Variants in TEX36 observed in about 807,000 individuals in gnomAD.
The protein encoded by TEX36 is testis-expressed protein 36.
In TEX36, 12 loss-of-function variants were observed where a neutral mutation model predicts 13.6. That is an observed-to-expected ratio of 0.88 (90% CI 0.56 to 1.43). The LOEUF is 1.43. Among genes scored for constraint, TEX36 ranks in the 40% most tolerant of loss-of-function variants. The pLI is 0.00. For missense variants in TEX36, 224 were observed against 228.3 expected (o/e 0.98, Z 0.12); for synonymous variants, 93 against 83.0 (o/e 1.12, Z -0.65).
chr10:125,600,420 C>T (rs549067494), intron 3 of TEX36, among the ~76,000 whole-genome samples: 50 of 152,158 alleles, frequency 3.3e-4, no homozygotes, highest in Admixed American at 8.5e-4. Flanking sequence ...GGTCTCCAAC[C>T]TTTACCACCA....
intron 3 of TEX36, among the ~76,000 whole-genome samples, chr10:125,640,742 TG>T (rs1846678122): frequency 6.6e-6 from 1 of 152,126 alleles, no homozygotes; most frequent in Non-Finnish European, 1.5e-5. Flanking sequence ...AAGGCAGAGC[TG>T]GGCTGAAGGG....
At chr10:125,613,868 A>G (rs1846324109) in intron 3 of TEX36, among the ~76,000 whole-genome samples, 1 of 152,304 alleles carries the variant, frequency 6.6e-6, no homozygotes, top group East Asian at 1.9e-4. Context: ...TGACTTCCAC[A>G]CTGGTTGAAC....
At chr10:125,584,058 C>T (rs1825459288) in intron 3 of TEX36, among the ~76,000 whole-genome samples, 1 of 152,212 alleles carries the variant, frequency 6.6e-6, no homozygotes, top group African/African-American at 2.4e-5. Context: ...CTGTCCTCTT[C>T]GAGCTGCTGC....
chr10:125,585,192 C>T (rs747304504), intron 3 of TEX36, among the ~76,000 whole-genome samples: 22 of 152,160 alleles, frequency 1.4e-4, no homozygotes, highest in Non-Finnish European at 1.2e-4. Context: ...GGTCAGTCAT[C>T]CCCTGGCTTA....
intron 3 of TEX36, among the ~76,000 whole-genome samples, chr10:125,599,140 T>C (rs1263802296): frequency 2.0e-5 from 3 of 152,208 alleles, no homozygotes; most frequent in Non-Finnish European, 4.4e-5. Context: ...TTATAAAATA[T>C]AACCACATTA....
intron 2 of TEX36, 109 bp downstream of exon 2, chr10:125,661,737 A>C: frequency 4.3e-6 from 6 of 1,397,920 alleles, no homozygotes; most frequent in Non-Finnish European, 5.8e-6. Context: ...CAAGGATAGT[A>C]AATGCGCAGT....
intron 3 of TEX36, among the ~76,000 whole-genome samples, chr10:125,658,220 C>T (rs1846977926): frequency 6.6e-6 from 1 of 151,126 alleles, no homozygotes; most frequent in African/African-American, 2.4e-5. Context: ...AAGGAATGGC[C>T]CATAACATAA....
rs9422907 is a variant in TEX36, at chr10:125,644,179, G to T, written c.264+16842C>A. Among the ~76,000 whole-genome samples the T allele has an allele frequency of 1.2e-3, 176 of 152,150 alleles. 2 individuals are homozygous for T. Among genetic ancestry groups the T allele is most frequent in the African/African-American group, 4.2e-3 (175 of 41,474 alleles). On this transcript the variant is annotated intron_variant, in intron 3 of 3. Coordinates refer to the TEX36 transcript ENST00000526819. ...TTTGGTTACAAGAAAACCTCTACAG[G>T]TTGGCTAAATAACAGAATGGATCAT...
intron 3 of TEX36, among the ~76,000 whole-genome samples, chr10:125,597,683 T>C (rs377096472): frequency 6.6e-6 from 1 of 152,146 alleles, no homozygotes; most frequent in African/African-American, 2.4e-5. Flanking sequence ...AAAGGAGCCT[T>C]CACCTGTGGC....
At chr10:125,624,525 T>C (rs908278318) in intron 3 of TEX36, among the ~76,000 whole-genome samples, 4 of 152,054 alleles carry the variant, frequency 2.6e-5, no homozygotes, top group Admixed American at 2.6e-4. Flanking sequence ...TCATGACTGG[T>C]GGGGCTGGTC....
chr10:125,634,421 T>C (rs1442842618), intron 3 of TEX36, among the ~76,000 whole-genome samples: 1 of 152,160 alleles, frequency 6.6e-6, no homozygotes, highest in African/African-American at 2.4e-5. Flanking sequence ...TTGATCCGAG[T>C]ACTGATGGGG....
chr10:125,593,497 C>T (rs1846047416), intron 3 of TEX36, among the ~76,000 whole-genome samples: 1 of 152,196 alleles, frequency 6.6e-6, no homozygotes, highest in Admixed American at 6.5e-5. Flanking sequence ...GTCTTCGGTG[C>T]TTGCCTTAAA....
chr10:125,657,467 A>C (rs893678378), intron 3 of TEX36, among the ~76,000 whole-genome samples: 6 of 152,160 alleles, frequency 3.9e-5, no homozygotes, highest in African/African-American at 1.4e-4. Flanking sequence ...GCTTCTAAAG[A>C]ATGACTTGAG....
chr10:125,650,740 T>C (rs1193027764), downstream of TEX36, among the ~76,000 whole-genome samples: 1 of 151,866 alleles, frequency 6.6e-6, no homozygotes, highest in Non-Finnish European at 1.5e-5. Context: ...TCAACAAAAT[T>C]GATAGACCAC....
chr10:125,669,445 A>T (rs763166488), intron 1 of TEX36, among the ~76,000 whole-genome samples: 31 of 151,896 alleles, frequency 2.0e-4, no homozygotes, highest in Non-Finnish European at 4.3e-4. Context: ...ATGCCATTGC[A>T]CTCCAGCCTG....
At chr10:125,673,453 G>A (rs112018605) in intron 1 of TEX36, among the ~76,000 whole-genome samples, 1 of 152,170 alleles carries the variant, frequency 6.6e-6, no homozygotes, top group Admixed American at 6.5e-5. Flanking sequence ...GCTTATGCCT[G>A]TAATCCCAGC....
At chr10:125,637,420 CT>C (rs1846635497) in intron 3 of TEX36, among the ~76,000 whole-genome samples, 1 of 152,046 alleles carries the variant, frequency 6.6e-6, no homozygotes, top group African/African-American at 2.4e-5. Context: ...AGTTTCCTTC[CT>C]TTTTAAGACT....
At chr10:125,621,714 G>T in intron 3 of TEX36, 1 of 454,216 alleles carries the variant, frequency 2.2e-6, no homozygotes. Context: ...GAAGCCAACA[G>T]TGTAGCCTTC....
At chr10:125,674,073 G>A (rs1847275993) in intron 1 of TEX36, among the ~76,000 whole-genome samples, 1 of 152,012 alleles carries the variant, frequency 6.6e-6, no homozygotes, top group Admixed American at 6.6e-5. Context: ...CATAGGTTTG[G>A]TCTTATTACA....
Sources: gnomAD v4.1 joint callset for allele counts (sites outside exome capture counted in the v4.1 genomes callset) on GRCh38, gnomAD v4.1.1 for gene constraint, MANE v1.5 for transcripts, NCBI Gene and HGNC (gene_info 2026-07-23, HGNC 2026-07-21) for gene names.